SHISA9: variants seen among roughly 807,000 people sequenced by gnomAD.
SHISA9 encodes shisa family member 9, also known as protein shisa-9.
A neutral mutation model predicts 38.0 loss-of-function variants in SHISA9; 13 were observed. The observed-to-expected ratio is 0.34, with a 90% CI of 0.22 to 0.54. The LOEUF (loss-of-function observed/expected upper bound fraction) is 0.54. SHISA9 is among the 20% of genes least tolerant of loss of function. The pLI is 0.91. For synonymous variants in SHISA9, 275 were observed against 242.0 expected, an observed-to-expected ratio of 1.14 and a Z score of -1.27; for missense variants, 538 against 575.8, an observed-to-expected ratio of 0.93 and a Z score of 0.67.
chr16:13,036,932 A>G (rs1383818070), intron 2 of SHISA9, among the ~76,000 whole-genome samples: 1 of 152,160 alleles, frequency 6.6e-6, no homozygotes, highest in African/African-American at 2.4e-5. Flanking sequence ...TATTTATATG[A>G]ATTATTTCAT....
At chr16:13,054,271 A>G (rs2073285342) in intron 2 of SHISA9, among the ~76,000 whole-genome samples, 1 of 152,094 alleles carries the variant, frequency 6.6e-6, no homozygotes, top group African/African-American at 2.4e-5. Context: ...GATGATCTTC[A>G]CCTTACAGGG....
downstream of SHISA9, among the ~76,000 whole-genome samples, chr16:13,242,708 A>C: frequency 6.6e-6 from 1 of 152,190 alleles, no homozygotes; most frequent in Non-Finnish European, 1.5e-5. Context: ...AGGAGGTTGC[A>C]GTTGATAATC....
At chr16:12,918,832 T>A (rs2071291731) in intron 2 of SHISA9, among the ~76,000 whole-genome samples, 1 of 152,202 alleles carries the variant, frequency 6.6e-6, no homozygotes, top group South Asian at 2.1e-4. Flanking sequence ...GCCCAGATAT[T>A]AATTTTATAT....
At chr16:13,468,001 A>G in the SHISA9 span, among the ~76,000 whole-genome samples, 1 of 152,208 alleles carries the variant, frequency 6.6e-6, no homozygotes, top group African/African-American at 2.4e-5. Context: ...GAAAAACTTA[A>G]CAGCAATGGA....
chr16:13,068,880 T>TGTGTA (rs1305445626), intron 2 of SHISA9, among the ~76,000 whole-genome samples: 2 of 152,178 alleles, frequency 1.3e-5, no homozygotes, highest in African/African-American at 4.8e-5. Context: ...TGTATGTGTA[T>TGTGTA]TCATGTGTGT....
intron 2 of SHISA9, among the ~76,000 whole-genome samples, chr16:12,927,979 G>A (rs1354098522): frequency 1.3e-5 from 2 of 152,050 alleles, no homozygotes; most frequent in Non-Finnish European, 2.9e-5. Context: ...CTGACTTTTC[G>A]ATTTTGCCAA....
In SHISA9 at chr16:13,206,776, C is replaced by T. The variant is rs114842297; in HGVS notation, c.847+3227C>T. 6.7e-3 allele frequency among the ~76,000 whole-genome samples: 1,022 copies of T among 152,336 alleles called. 13 individuals carry two copies. The highest frequency in any genetic ancestry group is 0.023 in the African/African-American group (968 of 41,580). On this transcript the variant is annotated intron_variant, in intron 3 of 4. Coordinates refer to ENST00000558583, the MANE Select transcript of SHISA9 (RefSeq NM_001145204.3). ...GAATTTCTATGCCCAGCTCAACCCT[C>T]GTTATGTCCCATGACCACAGATTCC...
chr16:13,345,329 T>C, the SHISA9 span, among the ~76,000 whole-genome samples: 4 of 152,198 alleles, frequency 2.6e-5, no homozygotes, highest in Non-Finnish European at 5.9e-5. Context: ...ATCATTTAGC[T>C]CCCACTTGTA....
chr16:12,915,286 C>A (rs530722468), intron 1 of SHISA9, among the ~76,000 whole-genome samples: 1 of 152,234 alleles, frequency 6.6e-6, no homozygotes, highest in South Asian at 2.1e-4. Context: ...CATAGTAAGA[C>A]CCTGAGACCA....
At chr16:13,041,592 GA>G (rs1284264497) in intron 2 of SHISA9, among the ~76,000 whole-genome samples, 1 of 152,158 alleles carries the variant, frequency 6.6e-6, no homozygotes, top group African/African-American at 2.4e-5. Context: ...TTTGTGTTTT[GA>G]AATCCTGAGG....
intron 2 of SHISA9, among the ~76,000 whole-genome samples, chr16:13,132,768 C>T (rs1180731494): frequency 6.6e-6 from 1 of 152,146 alleles, no homozygotes; most frequent in African/African-American, 2.4e-5. Context: ...GAGTGAGACC[C>T]TCTCACTGAT....
At chr16:13,489,671 A>G in the SHISA9 span, among the ~76,000 whole-genome samples, 4 of 152,188 alleles carry the variant, frequency 2.6e-5, no homozygotes, top group African/African-American at 9.7e-5. Flanking sequence ...AGACATCCCC[A>G]GCCATGTGGA....
At position 12,902,515 on chromosome 16, in the gene SHISA9, A is replaced by C. The variant is rs954920137; in HGVS notation, c.451A>C (p.Asn151His). ...GCACGACCCCACCAAGGACAAGACC[A>C]ACCTGATCGTCTACATCATCTGCGG... ...PLHDPTKDKT[N>H]LIVYIICGVV... Residue 151 changes from asparagine to histidine, a missense_variant, in exon 1 of 5, where the codon AAC (asparagine) becomes CAC (histidine). This residue lies in a region of SHISA9 where 88 missense variants were observed against 109.7 expected (regional missense o/e 0.80). Transcript: ENST00000558583. The C allele has an allele frequency of 6.4e-7, 1 of 1,551,514 alleles. No homozygotes were observed. Among genetic ancestry groups the C allele is most frequent in the Non-Finnish European group, 8.7e-7 (1 of 1,146,984 alleles).
the SHISA9 span, among the ~76,000 whole-genome samples, chr16:13,316,009 T>C: frequency 6.6e-6 from 1 of 151,176 alleles, no homozygotes; most frequent in Admixed American, 6.6e-5. Flanking sequence ...AAAGTGTCAT[T>C]ACAATTAAAA....
At chr16:12,961,541 G>A (rs1187395177) in intron 2 of SHISA9, among the ~76,000 whole-genome samples, 13 of 152,172 alleles carry the variant, frequency 8.5e-5, no homozygotes, top group Non-Finnish European at 1.6e-4. Context: ...AAAAGGATGT[G>A]TCTGTATCCT....
chr16:13,215,826 G>A (rs1054527927), intron 4 of SHISA9, among the ~76,000 whole-genome samples: 1 of 152,226 alleles, frequency 6.6e-6, no homozygotes, highest in African/African-American at 2.4e-5. Flanking sequence ...GACTCTAGAT[G>A]AGGTATGGTA....
At chr16:13,291,926 A>G in the SHISA9 span, among the ~76,000 whole-genome samples, 1 of 152,044 alleles carries the variant, frequency 6.6e-6, no homozygotes, top group African/African-American at 2.4e-5. Context: ...GGGAGAAAAC[A>G]GTGTTTTTTT....
At chr16:12,939,497 C>T (rs758385229) in intron 2 of SHISA9, among the ~76,000 whole-genome samples, 2 of 152,152 alleles carry the variant, frequency 1.3e-5, no homozygotes, top group African/African-American at 4.8e-5. Flanking sequence ...TTTCATTGTA[C>T]TTTGAATGGA....
intron 2 of SHISA9, among the ~76,000 whole-genome samples, chr16:13,043,642 TCA>T (rs1372945687): frequency 2.0e-5 from 3 of 152,230 alleles, no homozygotes; most frequent in Non-Finnish European, 4.4e-5. Flanking sequence ...CAGCTTGAAC[TCA>T]CTGTCCTGAT....
Sources: gnomAD v4.1 joint callset for allele counts (sites outside exome capture counted in the v4.1 genomes callset) on GRCh38, gnomAD v4.1.1 for gene constraint, gnomAD v4.1.1 regional missense constraint, MANE v1.5 for transcripts, NCBI Gene and HGNC (gene_info 2026-07-23, HGNC 2026-07-21) for gene names.